The following CEP128 variants were observed in gnomAD, a reference collection of about 807,000 sequenced individuals.
The protein encoded by CEP128 is centrosomal protein 128.
A neutral mutation model predicts 156.7 loss-of-function variants in CEP128; 132 were observed. The ratio of observed to expected loss-of-function variants is 0.84; its 90% confidence interval spans 0.73 to 0.97. The LOEUF (loss-of-function observed/expected upper bound fraction) is 0.97, where lower values mean the gene tolerates loss of function less well. CEP128 is among the 50% of genes least tolerant of loss of function. CEP128 has a pLI of 0.00. For synonymous variants in CEP128, 469 were observed against 448.9 expected, an observed-to-expected ratio of 1.04 and a Z score of -0.57; for missense variants, 1,252 against 1,281.9, an observed-to-expected ratio of 0.98 and a Z score of 0.36.
At chr14:80,764,485 G>A (rs1007909630) in intron 16 of CEP128, among the ~76,000 whole-genome samples, 10 of 147,920 alleles carry the variant, frequency 6.8e-5, no homozygotes, top group African/African-American at 2.2e-4. Context: ...CGGCCTGGGC[G>A]ACAGAGCGAG....
chr14:80,882,577 C>G (rs1888603618), intron 8 of CEP128, among the ~76,000 whole-genome samples: 1 of 152,006 alleles, frequency 6.6e-6, no homozygotes, highest in Admixed American at 6.6e-5. Context: ...AGGTATAAAC[C>G]CAAAACAAAG....
rs1198068309 is a variant in CEP128, at chr14:80,955,770, G to A, written c.-172+2408C>T. The A allele has an allele frequency of 2.8e-5, 45 of 1,614,228 alleles. No homozygotes were observed. Among genetic ancestry groups the A allele is most frequent in the Non-Finnish European group, 3.6e-5 (42 of 1,180,050 alleles). On this transcript the variant is annotated intron_variant, in intron 2 of 7. Coordinates refer to the CEP128 transcript ENST00000555529. ...TGGGGTGTTCGTCTCCACCCTGCGA[G>A]TGCCATCAGGAGGAGGACTTCAGAG...
chr14:80,880,744 T>C (rs1313271483), intron 8 of CEP128, among the ~76,000 whole-genome samples: 1 of 149,304 alleles, frequency 6.7e-6, no homozygotes, highest in East Asian at 2.0e-4. Context: ...GCGCCTGTAG[T>C]CCCAGCTACT....
At chr14:80,951,169 T>C (rs1886456318) in intron 2 of CEP128, among the ~76,000 whole-genome samples, 1 of 152,054 alleles carries the variant, frequency 6.6e-6, no homozygotes, top group South Asian at 2.1e-4. Flanking sequence ...TTAATGAATG[T>C]CATTCAAGCA....
intron 20 of CEP128, among the ~76,000 whole-genome samples, chr14:80,563,072 C>T (rs753824473): frequency 1.3e-5 from 2 of 152,154 alleles, no homozygotes; most frequent in African/African-American, 4.8e-5. Flanking sequence ...TCCATAACCT[C>T]TCCCAGTTTA....
At chr14:80,609,016 A>G (rs1441993210) in intron 19 of CEP128, among the ~76,000 whole-genome samples, 1 of 152,188 alleles carries the variant, frequency 6.6e-6, no homozygotes. Context: ...TGTATATTGA[A>G]GATTGAAGTA....
intron 9 of CEP128, among the ~76,000 whole-genome samples, chr14:80,845,512 C>T (rs1329680721): frequency 6.6e-6 from 1 of 152,098 alleles, no homozygotes; most frequent in Non-Finnish European, 1.5e-5. Flanking sequence ...TATAATACTT[C>T]ATTTGACTTT....
intron 19 of CEP128, among the ~76,000 whole-genome samples, chr14:80,729,578 T>A (rs183394287): frequency 1.3e-3 from 195 of 152,292 alleles, no homozygotes; most frequent in Middle Eastern, 6.8e-3. Context: ...AAATGGTAAA[T>A]CTACTTCTAG....
chr14:80,757,467 T>G (rs551112335), intron 17 of CEP128, among the ~76,000 whole-genome samples: 1 of 152,206 alleles, frequency 6.6e-6, no homozygotes, highest in Admixed American at 6.5e-5. Flanking sequence ...AACATTGCCT[T>G]GTATTTCAAT....
chr14:80,627,286 C>T (rs940073128), intron 19 of CEP128, among the ~76,000 whole-genome samples: 5 of 152,168 alleles, frequency 3.3e-5, no homozygotes, highest in African/African-American at 1.2e-4. Context: ...CAAGATTGAG[C>T]ACAACTGTCC....
In CEP128 at chr14:80,916,433, C is replaced by T. The variant is rs371987779; in HGVS notation, c.115G>A (p.Glu39Lys). 2.5e-5 allele frequency: 40 copies of T among 1,613,854 alleles called. No individual in the cohort carries two copies. Among genetic ancestry groups the T allele is most frequent in the Non-Finnish European group, 2.6e-5 (31 of 1,179,932 alleles). The change falls in exon 3 of 25, where the codon GAG becomes AAG. Residue 39 changes from glutamate to lysine, a missense_variant. Physicochemically the swap from Glu to Lys is moderately conservative, Grantham distance 56 (BLOSUM62 1). Transcript: ENST00000555265. ...TRSLPTVEVT[E>K]KVNTITSTLQ... ...GTACTTGTTATAGTGTTGACCTTCT[C>T]GGTAACTTCTACTGTAGGAAGACTT...
intron 19 of CEP128, among the ~76,000 whole-genome samples, chr14:80,649,500 T>C (rs1894804192): frequency 6.6e-6 from 1 of 152,112 alleles, no homozygotes; most frequent in Non-Finnish European, 1.5e-5. Flanking sequence ...CAGGAGTCCC[T>C]GGAACAGCAT....
chr14:80,704,313 TATTCAAA>T (rs1897165431), intron 19 of CEP128, among the ~76,000 whole-genome samples: 1 of 152,040 alleles, frequency 6.6e-6, no homozygotes, highest in Non-Finnish European at 1.5e-5. Context: ...GCCAAAAGAA[TATTCAAA>T]CTAAATTTTC....
chr14:80,677,488 G>A (rs1248291821), intron 19 of CEP128, among the ~76,000 whole-genome samples: 9 of 118,946 alleles, frequency 7.6e-5, no homozygotes, highest in East Asian at 2.9e-4. Flanking sequence ...CAGCCTGGGC[G>A]ACACAGCAAG....
intron 16 of CEP128, among the ~76,000 whole-genome samples, chr14:80,777,561 C>A (rs2596118): frequency 0.66 from 101,025 of 152,122 alleles, 34,748 homozygotes; most frequent in African/African-American, 0.85. Context: ...AGACATAGGT[C>A]AATCAGTTGG....
At chr14:80,899,280 T>C (rs1883388308) in intron 7 of CEP128, among the ~76,000 whole-genome samples, 1 of 152,216 alleles carries the variant, frequency 6.6e-6, no homozygotes, top group Admixed American at 6.5e-5. Context: ...TCAATTCAGC[T>C]TTATTGTTCC....
intron 13 of CEP128, among the ~76,000 whole-genome samples, chr14:80,813,184 T>G (rs1380991579): frequency 2.6e-5 from 4 of 152,224 alleles, no homozygotes; most frequent in African/African-American, 9.6e-5. Context: ...TTTACTCCGT[T>G]GATAGTTTCT....
At chr14:80,670,850 G>GA (rs1333353116) in intron 19 of CEP128, among the ~76,000 whole-genome samples, 4 of 151,920 alleles carry the variant, frequency 2.6e-5, no homozygotes, top group Admixed American at 1.3e-4. Context: ...CACAAAAAAG[G>GA]AAAAATGAAA....
At chr14:80,865,544 T>C (rs986359643) in intron 8 of CEP128, among the ~76,000 whole-genome samples, 11 of 152,200 alleles carry the variant, frequency 7.2e-5, no homozygotes, top group African/African-American at 1.2e-4. Flanking sequence ...CAATGATCCA[T>C]GCTTCTTGGT....
Sources: gnomAD v4.1 joint callset for allele counts (sites outside exome capture counted in the v4.1 genomes callset) on GRCh38, gnomAD v4.1.1 for gene constraint, MANE v1.5 for transcripts, NCBI Gene and HGNC (gene_info 2026-07-23, HGNC 2026-07-21) for gene names.